Variants in KIF1A observed in about 807,000 individuals in gnomAD.
KIF1A encodes kinesin-like protein KIF1A.
Under a neutral mutation model 227.3 loss-of-function variants are expected in KIF1A, and 46 were observed. That is an observed-to-expected ratio of 0.20 (90% CI 0.16 to 0.26). The LOEUF is 0.26. KIF1A is among the 10% of genes least tolerant of loss of function. KIF1A has a pLI of 1.00. For synonymous variants in KIF1A, 1,022 were observed against 1,012.8 expected (o/e 1.01, Z -0.17); for missense variants, 1,683 against 2,485.9 (o/e 0.68, Z 6.87).
chr2:240,812,472 G>A (rs1365440550), intron 1 of KIF1A, among the ~76,000 whole-genome samples: 1 of 151,816 alleles, frequency 6.6e-6, no homozygotes, highest in Non-Finnish European at 1.5e-5. Context: ...TCACCTCAGG[G>A]GCCCGCCTTT....
In KIF1A at chr2:240,724,047, T is replaced by C. The variant is rs1553625498; in HGVS notation, c.4257-11A>G. 6.2e-7 allele frequency: 1 copy of C among 1,611,522 alleles called. No individual in the cohort carries two copies. The highest frequency in any genetic ancestry group is 8.5e-7 in the Non-Finnish European group (1 of 1,179,258). On this transcript the variant is annotated splice_polypyrimidine_tract_variant and intron_variant, in intron 40 of 48. Coordinates refer to ENST00000498729, the MANE Select transcript of KIF1A (RefSeq NM_001244008.2). ...CCAGTCACACGGTTACTGTGGGGAG[T>C]AGAAGGAGTGACATGCAGTCACCAG...
chr2:240,770,875 A>G, intron 15 of KIF1A, 96 bp downstream of exon 15: 1 of 1,435,736 alleles, frequency 7.0e-7, no homozygotes. Context: ...CCCTATGAGG[A>G]TGGGCTGTAC....
At position 240,798,892 on chromosome 2, in the gene KIF1A, C is replaced by T. The variant is rs568695931; in HGVS notation, c.-60-1080G>A. ...ATTGCTGTCTAAATGCTCTAGGGTGCCCACTCAGTGGTGAGTCCCACATCA... is the reference window on the plus strand; with the variant it reads ...ATTGCTGTCTAAATGCTCTAGGGTGTCCACTCAGTGGTGAGTCCCACATCA... On this transcript the variant is annotated intron_variant, in intron 1 of 48. Transcript: ENST00000498729. Among the ~76,000 whole-genome samples, 3 of 152,340 alleles carry T rather than the reference C, an allele frequency of 2.0e-5. No individual in the cohort carries two copies. In the East Asian group the frequency reaches 5.8e-4, roughly 29 times the overall value.
chr2:240,742,734 A>G (rs2048128778), intron 34 of KIF1A, among the ~76,000 whole-genome samples, 195 bp downstream of exon 34: 1 of 151,920 alleles, frequency 6.6e-6, no homozygotes, highest in Non-Finnish European at 1.5e-5. Flanking sequence ...GCTCCAGGCT[A>G]CTCTCTGGGC....
In KIF1A at chr2:240,743,685, G is replaced by C. The variant is rs142287878; in HGVS notation, c.3584+257C>G. Among the ~76,000 whole-genome samples the C allele has an allele frequency of 4.5e-3, 684 of 152,284 alleles. 6 individuals carry two copies. The highest frequency in any genetic ancestry group is 0.015 in the African/African-American group (636 of 41,556). ...CTACAGCTGGCAGCCCCTGCACACT[G>C]CCCAGGCCAGCAGGAGGTCAAGCAA... On this transcript the variant is annotated intron_variant, in intron 33 of 48. Transcript: ENST00000498729.
intron 37 of KIF1A, 157 bp from the exon 38 acceptor site, chr2:240,737,325 A>G: frequency 1.6e-6 from 1 of 610,206 alleles, no homozygotes; most frequent in Non-Finnish European, 3.0e-6. Flanking sequence ...GAGGCCCTAC[A>G]GGGTCCTCAG....
Position 240,807,534 on chromosome 2 carries a change from T to C in KIF1A, c.-60-9722A>G, listed in dbSNP as rs147807419. ...TTAATAAATAGTTGCTATACTGTAT[T>C]GTCCAGGTAATAGTGACAAGGGAAA... On this transcript the variant is annotated intron_variant, in intron 1 of 48. Coordinates refer to ENST00000498729, the MANE Select transcript of KIF1A (RefSeq NM_001244008.2). Among the ~76,000 whole-genome samples, 613 of 152,342 alleles carry C rather than the reference T, an allele frequency of 4.0e-3. 1 individual carries two copies. Among genetic ancestry groups the C allele is most frequent in the African/African-American group, 0.014 (578 of 41,558 alleles).
rs1215988574 is a variant in KIF1A at position 240,758,321 on chromosome 2, C to T, written c.2582+39G>A. On this transcript the variant is annotated intron_variant, in intron 26 of 48. Coordinates refer to ENST00000498729, the MANE Select transcript of KIF1A (RefSeq NM_001244008.2). The surrounding 1 kb of genome is among the most constrained non-coding windows in gnomAD (Gnocchi z 5.2). ...TACCCCCACTGCCATCTCTCTCTCTCAATCTCTCTCTCTGCCAAGGAAGGG... is the reference window on the plus strand; with the variant it reads ...TACCCCCACTGCCATCTCTCTCTCTTAATCTCTCTCTCTGCCAAGGAAGGG... The T allele has an allele frequency of 5.0e-6, 8 of 1,591,282 alleles. No homozygotes were observed. The highest frequency in any genetic ancestry group is 6.8e-6 in the Non-Finnish European group (8 of 1,168,728).
chr2:240,729,487 TG>T (rs1328127054), intron 38 of KIF1A, among the ~76,000 whole-genome samples: 2 of 152,232 alleles, frequency 1.3e-5, no homozygotes. Context: ...TGCCCCATCC[TG>T]GGGCTCCTTG....
At chr2:240,811,641 G>T (rs890686706) in intron 1 of KIF1A, among the ~76,000 whole-genome samples, 2 of 152,180 alleles carry the variant, frequency 1.3e-5, no homozygotes, top group Non-Finnish European at 2.9e-5. Flanking sequence ...TGGGACAGGT[G>T]GGGCAGGAAG....
chr2:240,777,736 C>T (rs531077972), intron 10 of KIF1A, among the ~76,000 whole-genome samples: 1 of 152,358 alleles, frequency 6.6e-6, no homozygotes, highest in African/African-American at 2.4e-5. Context: ...CCCCAGGCAG[C>T]TCCTGACAAG....
chr2:240,742,299 G>A (rs532056118), intron 34 of KIF1A, among the ~76,000 whole-genome samples: 8 of 152,212 alleles, frequency 5.3e-5, no homozygotes, highest in African/African-American at 1.2e-4. Context: ...GCTGGTGCCC[G>A]GGACCACACT....
At chr2:240,745,127 G>C (rs146725229) in intron 32 of KIF1A, among the ~76,000 whole-genome samples, 1 of 151,968 alleles carries the variant, frequency 6.6e-6, no homozygotes, top group Non-Finnish European at 1.5e-5. Context: ...GAGCACCCCC[G>C]GCCCTCAGTA....
At position 240,757,218 on chromosome 2, in the gene KIF1A, A is replaced by C; in HGVS notation, c.2858+101T>G. 1.6e-6 allele frequency: 2 copies of C among 1,216,106 alleles called. No individual in the cohort carries two copies. Among genetic ancestry groups the C allele is most frequent in the Non-Finnish European group, 1.2e-6 (1 of 864,998 alleles). 75.3% of individuals were successfully genotyped at this position (1,216,106 alleles called of 1,614,324 possible). ...CTCCACCTGCCTCGCCTGCCCTGGG[A>C]GGGCCCGGGCCAGGCCCCAGCGGTT... On this transcript the variant is annotated intron_variant, in intron 27 of 48. Transcript: ENST00000498729. This position sits in a 1 kb window ranked among gnomAD's most constrained non-coding sequence, Gnocchi z 6.2.
At chr2:240,722,014 G>A in intron 43 of KIF1A, 130 bp from the exon 44 acceptor site, 1 of 712,854 alleles carries the variant, frequency 1.4e-6, no homozygotes, top group East Asian at 2.7e-5. Flanking sequence ...AGTGGGTCAA[G>A]GTGGGCAGCA....
At chr2:240,730,707 G>A (rs1020436529) in intron 38 of KIF1A, among the ~76,000 whole-genome samples, 9 of 152,180 alleles carry the variant, frequency 5.9e-5, no homozygotes, top group African/African-American at 2.2e-4. Context: ...CTTGAACCCC[G>A]ACCTCAGGGA....
intron 6 of KIF1A, among the ~76,000 whole-genome samples, chr2:240,786,079 G>A (rs2054711164): frequency 6.6e-6 from 1 of 152,124 alleles, no homozygotes; most frequent in Non-Finnish European, 1.5e-5. Context: ...GCACCCCCCG[G>A]GCACCTCAGC....
chr2:240,722,764 A>C (rs1575520683), intron 42 of KIF1A, 108 bp from the exon 43 acceptor site: 2 of 843,460 alleles, frequency 2.4e-6, no homozygotes, highest in East Asian at 5.8e-5. Context: ...CGGAGAGCCC[A>C]CCCTCCCCTG....
chr2:240,780,856 ACACACACAGCTC>A (rs1184646962), intron 10 of KIF1A, among the ~76,000 whole-genome samples: 2 of 125,268 alleles, frequency 1.6e-5, no homozygotes, highest in East Asian at 2.3e-4. Flanking sequence ...CTCCACACAC[ACACACACAGCTC>A]CACACACACA....
Sources: allele counts gnomAD v4.1 joint callset (sites outside exome capture counted in the v4.1 genomes callset), GRCh38; gene constraint gnomAD v4.1.1; non-coding constraint Gnocchi (gnomAD v3.1); transcripts MANE v1.5; gene names NCBI Gene and HGNC (gene_info 2026-07-23, HGNC 2026-07-21).